PRKAG2: variants seen among roughly 807,000 people sequenced by gnomAD.
PRKAG2 encodes protein kinase AMP-activated non-catalytic subunit gamma 2.
PRKAG2 carries 26 observed loss-of-function variants against 69.6 expected under a neutral mutation model. The ratio of observed to expected loss-of-function variants is 0.37; its 90% CI spans 0.27 to 0.52. PRKAG2 has a LOEUF of 0.52. Ranked by LOEUF, PRKAG2 falls within the 20% of genes least tolerant of loss-of-function variation. PRKAG2 has a pLI of 0.90. For synonymous variants in PRKAG2, 293 were observed against 285.0 expected, an observed-to-expected ratio of 1.03 and a Z score of -0.28; for missense variants, 557 against 740.0, an observed-to-expected ratio of 0.75 and a Z score of 2.87.
intron 5 of PRKAG2, among the ~76,000 whole-genome samples, chr7:151,616,914 G>C (rs1820278644): frequency 2.0e-5 from 3 of 152,156 alleles, no homozygotes; most frequent in South Asian, 2.1e-4. Flanking sequence ...GATATGGCTG[G>C]AGATGCGACA....
intron 6 of PRKAG2, among the ~76,000 whole-genome samples, chr7:151,590,684 C>T (rs923096511): frequency 9.2e-5 from 14 of 152,202 alleles, no homozygotes; most frequent in African/African-American, 3.4e-4. Flanking sequence ...GACAGGTTTC[C>T]GCATGCTGCA....
At chr7:151,841,985 C>T (rs1204944273) in intron 1 of PRKAG2, among the ~76,000 whole-genome samples, 8 of 48,450 alleles carry the variant, frequency 1.7e-4, no homozygotes, top group African/African-American at 5.0e-4. Flanking sequence ...AGTGATGGTA[C>T]GTAGTGATGG....
chr7:151,793,973 A>C (rs1267741812), intron 1 of PRKAG2, among the ~76,000 whole-genome samples: 1 of 152,244 alleles, frequency 6.6e-6, no homozygotes, highest in Admixed American at 6.5e-5. Flanking sequence ...CTTTCCACAG[A>C]GGACACCGTA....
chr7:151,746,599 C>A (rs2074295826), intron 3 of PRKAG2, among the ~76,000 whole-genome samples: 1 of 152,246 alleles, frequency 6.6e-6, no homozygotes, highest in Non-Finnish European at 1.5e-5. Flanking sequence ...CTGAAAGCAG[C>A]CTCTCAGGAG....
chr7:151,779,191 CAA>C, intron 3 of PRKAG2, among the ~76,000 whole-genome samples: 1 of 152,176 alleles, frequency 6.6e-6, no homozygotes. Context: ...GATATGGTTT[CAA>C]AAAGAGATTT....
At chr7:151,786,723 C>A (rs1221321617) in intron 1 of PRKAG2, among the ~76,000 whole-genome samples, 182 bp from the exon 2 acceptor site, 3 of 152,210 alleles carry the variant, frequency 2.0e-5, no homozygotes, top group African/African-American at 7.2e-5. Flanking sequence ...CCATGCACAT[C>A]CGCTTCCAGA....
chr7:151,581,090 A>G (rs908149096), intron 6 of PRKAG2, among the ~76,000 whole-genome samples: 3 of 152,204 alleles, frequency 2.0e-5, no homozygotes, highest in Admixed American at 6.5e-5. Context: ...TGTACCCATA[A>G]AAATGAAAAA....
At chr7:151,607,555 T>C (rs1474747902) in intron 5 of PRKAG2, among the ~76,000 whole-genome samples, 1 of 152,180 alleles carries the variant, frequency 6.6e-6, no homozygotes, top group African/African-American at 2.4e-5. Context: ...CATGAGTCAC[T>C]GTGCCTGGCT....
At chr7:151,568,661 C>G in intron 11 of PRKAG2, 55 bp downstream of exon 11, 1 of 1,585,554 alleles carries the variant, frequency 6.3e-7, no homozygotes, top group Non-Finnish European at 8.6e-7. Context: ...ACTTGAAGTA[C>G]ATTATTTAAT....
chr7:151,574,582 A>C (rs1398632827), intron 8 of PRKAG2, among the ~76,000 whole-genome samples: 1 of 152,240 alleles, frequency 6.6e-6, no homozygotes, highest in Non-Finnish European at 1.5e-5. Context: ...AAACTTACAG[A>C]ACGTCTAGCT....
Position 151,692,023 on chromosome 7 carries a change from C to T in PRKAG2, c.467-16386G>A, listed in dbSNP as rs577682738. 4.6e-5 allele frequency among the ~76,000 whole-genome samples: 7 copies of T among 152,070 alleles called. No homozygotes were observed. In the South Asian group the frequency reaches 1.5e-3, roughly 32 times the overall value. On this transcript the variant is annotated intron_variant, in intron 3 of 15. Coordinates refer to ENST00000287878, the MANE Select transcript of PRKAG2 (RefSeq NM_016203.4). Reference sequence around the variant, plus strand: ...GCAACATAGTGGGACCCCATCTCTACAAAAAATTAAAAAAGTTGGCTGGGT... The same window carrying T: ...GCAACATAGTGGGACCCCATCTCTATAAAAAATTAAAAAAGTTGGCTGGGT...
intron 3 of PRKAG2, among the ~76,000 whole-genome samples, chr7:151,722,540 A>G (rs1797282647): frequency 6.6e-6 from 1 of 152,070 alleles, no homozygotes; most frequent in African/African-American, 2.4e-5. Flanking sequence ...CTCACTGAGG[A>G]AAGAAGGGCT....
At chr7:151,767,431 C>T (rs2075793367) in intron 3 of PRKAG2, among the ~76,000 whole-genome samples, 1 of 152,196 alleles carries the variant, frequency 6.6e-6, no homozygotes, top group Non-Finnish European at 1.5e-5. Flanking sequence ...ACTGGGATTA[C>T]AGGCATCTGC....
intron 1 of PRKAG2, chr7:151,806,941 G>C (rs1421693865): frequency 4.4e-6 from 2 of 450,946 alleles, no homozygotes; most frequent in South Asian, 1.6e-5. Context: ...ACTCCAGCCT[G>C]GGGAAAAAAA....
intron 1 of PRKAG2, among the ~76,000 whole-genome samples, chr7:151,824,537 C>A (rs1424492161): frequency 6.6e-6 from 1 of 152,104 alleles, no homozygotes; most frequent in East Asian, 1.9e-4. Flanking sequence ...GGGTTATTAT[C>A]CCCACTACCC....
chr7:151,657,136 CAA>C (rs11307580), intron 4 of PRKAG2, among the ~76,000 whole-genome samples: 17 of 145,922 alleles, frequency 1.2e-4, no homozygotes, highest in East Asian at 2.0e-4. Flanking sequence ...GACTCCATCT[CAA>C]AAAAAAAAAG....
rs550745205 is a variant in PRKAG2, at chr7:151,846,214, G to A, written c.114+30293C>T. ...GTAAGGCCGGGCGCGGTGGTTCACA[G>A]TTGTAATCCCAGCACTTTGGGGGTG... On this transcript the variant is annotated intron_variant, in intron 1 of 15. Coordinates refer to ENST00000287878, the MANE Select transcript of PRKAG2 (RefSeq NM_016203.4). Among the ~76,000 whole-genome samples the A allele has an allele frequency of 2.0e-5, 3 of 152,286 alleles. No homozygotes were observed. The East Asian group carries it at 5.8e-4, about 29-fold the overall frequency.
At chr7:151,603,579 C>T (rs751283176) in intron 5 of PRKAG2, among the ~76,000 whole-genome samples, 23 of 145,042 alleles carry the variant, frequency 1.6e-4, no homozygotes, top group Non-Finnish European at 3.0e-4. Flanking sequence ...GGACACGCTC[C>T]GTCCTCACCG....
intron 3 of PRKAG2, among the ~76,000 whole-genome samples, chr7:151,714,470 G>A (rs576425540): frequency 6.5e-5 from 9 of 138,252 alleles, no homozygotes; most frequent in East Asian, 2.5e-4. Flanking sequence ...TCCACATGCC[G>A]CCATCCTCCC....
Sources: allele counts gnomAD v4.1 joint callset (sites outside exome capture counted in the v4.1 genomes callset), GRCh38; gene constraint gnomAD v4.1.1; transcripts MANE v1.5; gene names NCBI Gene and HGNC (gene_info 2026-07-23, HGNC 2026-07-21).